The following DCAKD variants were observed in gnomAD, a reference collection of about 807,000 sequenced individuals.
The protein encoded by DCAKD is dephospho-CoA kinase domain-containing protein.
A neutral mutation model predicts 18.7 loss-of-function variants in DCAKD; 15 were observed. The observed-to-expected ratio is 0.80, with a 90% CI of 0.54 to 1.24. The LOEUF (loss-of-function observed/expected upper bound fraction) is 1.24. Among genes scored for constraint, DCAKD ranks in the 50% most tolerant of loss-of-function variants. The pLI, the probability that DCAKD is intolerant of heterozygous loss-of-function variation, is 0.00. For synonymous variants in DCAKD, 130 were observed against 133.0 expected (o/e 0.98, Z 0.16); for missense variants, 301 against 322.0 (o/e 0.93, Z 0.50).
rs745756989 is a variant in DCAKD at position 45,034,278 on chromosome 17, G to T, written c.225C>A (p.Asn75Lys). 1 of 1,614,196 alleles carries T rather than the reference G, an allele frequency of 6.2e-7. No homozygotes were observed. Among genetic ancestry groups the T allele is most frequent in the Non-Finnish European group, 8.5e-7 (1 of 1,180,044 alleles). Residue 75 changes from asparagine (N) to lysine (K), a missense_variant, in exon 3 of 5, where the codon AAC (asparagine) becomes AAA (lysine). Transcript: ENST00000651974. ...NRKVLGDLIF[N>K]QPDRRQLLNA... Reference sequence around the variant, plus strand: ...TGAGCAGCTGCCGCCGGTCAGGCTGGTTAAAGATCAGGTCCCCCAGGACCT... The same window carrying T: ...TGAGCAGCTGCCGCCGGTCAGGCTGTTTAAAGATCAGGTCCCCCAGGACCT...
intron 4 of DCAKD, among the ~76,000 whole-genome samples, chr17:45,029,090 G>A (rs557932809): frequency 2.0e-5 from 3 of 152,358 alleles, no homozygotes; most frequent in South Asian, 2.1e-4. Flanking sequence ...CCAGGTCTTC[G>A]TGGGGTTTGC....
intron 1 of DCAKD, among the ~76,000 whole-genome samples, chr17:45,039,209 G>A (rs890542729): frequency 1.8e-4 from 28 of 152,126 alleles, no homozygotes; most frequent in Non-Finnish European, 3.4e-4. Context: ...GGTACCCAGC[G>A]GCCTCCAAGT....
chr17:45,034,663 C>T, intron 2 of DCAKD, 111 bp downstream of exon 2: 1 of 1,195,860 alleles, frequency 8.4e-7, no homozygotes. Context: ...AGACCAGGGT[C>T]AACAGGAGCC....
intron 3 of DCAKD, among the ~76,000 whole-genome samples, chr17:45,030,561 G>A (rs2143200142): frequency 6.6e-6 from 1 of 152,370 alleles, no homozygotes; most frequent in East Asian, 1.9e-4. Flanking sequence ...AGGCAAGGAG[G>A]TGATCAGGGC....
chr17:45,025,246 C>T (rs1307518978), intron 4 of DCAKD, among the ~76,000 whole-genome samples: 2 of 152,078 alleles, frequency 1.3e-5, no homozygotes, highest in Admixed American at 6.6e-5. Context: ...CAGAGACCCC[C>T]TCTCCTTGCT....
At chr17:45,060,642 G>A (rs886433815) in intron 1 of DCAKD, among the ~76,000 whole-genome samples, 4 of 152,252 alleles carry the variant, frequency 2.6e-5, no homozygotes, top group African/African-American at 9.6e-5. Flanking sequence ...AGGCCAAGAT[G>A]AGGCGGCGAG....
Position 45,037,461 on chromosome 17 carries a change from A to AT in DCAKD, c.-114-2463dup, listed in dbSNP as rs907147191. ...CTTTGAAATAGAAAATCTAGAAAGA[A>AT]TTTTTTTTTTTTTAGATGGAATTTC... On this transcript the variant is annotated intron_variant, in intron 1 of 4. Transcript: ENST00000651974. Among the ~76,000 whole-genome samples, 267 of 147,174 alleles carry AT rather than the reference A, an allele frequency of 1.8e-3. 1 individual carries two copies. The highest frequency in any genetic ancestry group is 5.6e-3 in the African/African-American group (227 of 40,378).
At chr17:45,038,649 G>A (rs939635066) in intron 1 of DCAKD, among the ~76,000 whole-genome samples, 2 of 152,188 alleles carry the variant, frequency 1.3e-5, no homozygotes, top group African/African-American at 4.8e-5. Flanking sequence ...CTGAGGGGGT[G>A]TGTGGACAAT....
In DCAKD at chr17:45,034,487, G is replaced by A. The variant is rs996305087; in HGVS notation, c.113-97C>T. 2.6e-5 allele frequency: 37 copies of A among 1,401,828 alleles called. No individual in the cohort carries two copies. The African/African-American group carries it at 2.7e-4, about 10-fold the overall frequency. The allele number at this position is 1,401,828 out of a possible 1,614,324, so 86.8% of individuals were successfully genotyped here. ...GGCAAAATGATGGGGGAACTCGGGTGCTTCTTTCAGGTGGAGCAAAAGCAA... is the reference window on the plus strand; with the variant it reads ...GGCAAAATGATGGGGGAACTCGGGTACTTCTTTCAGGTGGAGCAAAAGCAA... On this transcript the variant is annotated intron_variant, in intron 2 of 4. Transcript: ENST00000651974.
chr17:45,029,017 T>TA (rs937549856), intron 4 of DCAKD, among the ~76,000 whole-genome samples: 5 of 152,100 alleles, frequency 3.3e-5, no homozygotes, highest in African/African-American at 4.8e-5. Flanking sequence ...TAAGATCCTT[T>TA]AAAAAAAATG....
chr17:45,049,260 G>A (rs756561413), intron 1 of DCAKD, among the ~76,000 whole-genome samples: 5 of 151,846 alleles, frequency 3.3e-5, no homozygotes, highest in African/African-American at 1.2e-4. Flanking sequence ...GCAAGACCTC[G>A]TCTCTACTAA....
At chr17:45,049,614 A>T (rs1017266210) in intron 1 of DCAKD, among the ~76,000 whole-genome samples, 1 of 151,906 alleles carries the variant, frequency 6.6e-6, no homozygotes, top group South Asian at 2.1e-4. Context: ...ATTAACCAGA[A>T]CTTTTATCCT....
At chr17:45,054,235 A>G, upstream of DCAKD, 1 of 468,640 alleles carries the variant, frequency 2.1e-6, no homozygotes, top group South Asian at 1.5e-5. Flanking sequence ...ACTCACTGCC[A>G]CTCAAGACAG....
chr17:45,051,700 CGGGCGGGGCCGGGAGAGGTTGGGT>C (rs2053702593), upstream of DCAKD: 1 of 107,754 alleles, frequency 9.3e-6, no homozygotes, highest in Non-Finnish European at 2.0e-5. Flanking sequence ...AGAGGTTGGA[CGGGCGGGGCCGGGAGAGGTTGGGT>C]GGGCGGGCGG....
chr17:45,046,575 C>G (rs2053574975), intron 1 of DCAKD, among the ~76,000 whole-genome samples: 1 of 135,190 alleles, frequency 7.4e-6, no homozygotes, highest in African/African-American at 2.9e-5. Flanking sequence ...GAGATCGTGC[C>G]ATTGCATTCC....
intron 1 of DCAKD, among the ~76,000 whole-genome samples, chr17:45,048,384 T>C (rs1309070115): frequency 6.6e-6 from 1 of 152,164 alleles, no homozygotes; most frequent in Non-Finnish European, 1.5e-5. Context: ...GGCTCATGCC[T>C]GTAATCCCAG....
At chr17:45,044,689 C>CAATAAATAAATA (rs143312640) in intron 1 of DCAKD, among the ~76,000 whole-genome samples, 1 of 147,316 alleles carries the variant, frequency 6.8e-6, no homozygotes, top group Non-Finnish European at 1.5e-5. Context: ...GAGACTCCAT[C>CAATAAATAAATA]AATAAATAAA....
chr17:45,060,003 C>G (rs1280899649), intron 1 of DCAKD, among the ~76,000 whole-genome samples: 9 of 152,078 alleles, frequency 5.9e-5, no homozygotes, highest in Admixed American at 5.9e-4. Context: ...ACTCAGGAGG[C>G]CGAGGCAAGA....
chr17:45,030,858 C>T (rs767865854), intron 3 of DCAKD: 2 of 532,350 alleles, frequency 3.8e-6, no homozygotes, highest in Non-Finnish European at 4.8e-6. Flanking sequence ...ATGCCTAAAA[C>T]TGTATTACAC....
Sources: gnomAD v4.1 joint callset for allele counts (sites outside exome capture counted in the v4.1 genomes callset) on GRCh38, gnomAD v4.1.1 for gene constraint, MANE v1.5 for transcripts, NCBI Gene and HGNC (gene_info 2026-07-23, HGNC 2026-07-21) for gene names.